PRDM4: variants seen among roughly 807,000 people sequenced by gnomAD.
PRDM4 encodes the protein PR/SET domain 4.
A neutral mutation model predicts 62.3 loss-of-function variants in PRDM4; 38 were observed. The ratio of observed to expected loss-of-function variants is 0.61; its 90% CI spans 0.47 to 0.80. The LOEUF (loss-of-function observed/expected upper bound fraction) is 0.80, where lower values mean the gene tolerates loss of function less well. Ranked by LOEUF, PRDM4 falls within the 30% of genes least tolerant of loss-of-function variation. The pLI is 0.00. For synonymous variants in PRDM4, 339 were observed against 348.2 expected (o/e 0.97, Z 0.30); for missense variants, 858 against 997.1 (o/e 0.86, Z 1.88).
intron 2 of PRDM4, chr12:107,759,834 C>CA (rs1228631738): frequency 6.6e-6 from 1 of 152,234 alleles, no homozygotes; most frequent in Non-Finnish European, 1.5e-5. Context: ...CTTCCCTACT[C>CA]ATTTAGGGTA....
Position 107,741,066 on chromosome 12 carries a change from G to T in PRDM4, c.1804C>A (p.Pro602Thr). ...CSMCPQAFIS[P>T]SKLHVHFMGH... is the part of the protein sequence containing the mutation. Reference sequence around the variant, plus strand: ...ATAAAGTGGACATGAAGTTTGGAAGGAGAGATAAAAGCTTGGGGGCACATT... The same window carrying T: ...ATAAAGTGGACATGAAGTTTGGAAGTAGAGATAAAAGCTTGGGGGCACATT... The change falls in exon 10 of 12, where the codon CCT becomes ACT. Residue 602 changes from proline (P) to threonine (T), a missense_variant. By Grantham distance (38) the Pro-to-Thr change is conservative. Transcript: ENST00000228437. 1.2e-6 allele frequency: 2 copies of T among 1,614,154 alleles called. No individual in the cohort carries two copies. Among genetic ancestry groups the T allele is most frequent in the Non-Finnish European group, 1.7e-6 (2 of 1,180,024 alleles).
Position 107,760,560 on chromosome 12 carries a change from G to A in PRDM4, c.-45C>T, listed in dbSNP as rs773894918. ...AGAGAAAGGAGCGCTCGGGTGGTGG[G>A]GAACAGGCATCAGGGTTTGCGTTCC... is the stretch of plus-strand genomic sequence containing the variant. On this transcript the variant is annotated 5_prime_UTR_variant, in exon 2 of 12. Coordinates refer to ENST00000228437, the MANE Select transcript of PRDM4 (RefSeq NM_012406.4). 1 of 1,610,936 alleles carries A rather than the reference G, an allele frequency of 6.2e-7. No individual in the cohort carries two copies. The highest frequency in any genetic ancestry group is 8.5e-7 in the Non-Finnish European group (1 of 1,178,470).
Position 107,743,194 on chromosome 12 carries a change from T to C in PRDM4, c.1481+3A>G. On this transcript the variant is annotated splice_donor_region_variant and intron_variant, in intron 8 of 11. Coordinates refer to ENST00000228437, the MANE Select transcript of PRDM4 (RefSeq NM_012406.4). ...ATTTTTTCTCATCCAAGACTACTCA[T>C]ACCTGGCTTTGCGCACAAACATCAT... The C allele has an allele frequency of 6.2e-7, 1 of 1,600,978 alleles. No individual in the cohort carries two copies. The highest frequency in any genetic ancestry group is 8.6e-7 in the Non-Finnish European group (1 of 1,168,068).
chr12:107,756,453 C>T (rs536664516), intron 3 of PRDM4, among the ~76,000 whole-genome samples: 32 of 152,298 alleles, frequency 2.1e-4, no homozygotes, highest in Admixed American at 1.8e-3. Flanking sequence ...ATTCCCCATG[C>T]TCTCTGGGAA....
chr12:107,734,775 C>G (rs965222966), intron 11 of PRDM4, among the ~76,000 whole-genome samples: 2 of 152,132 alleles, frequency 1.3e-5, no homozygotes, highest in Non-Finnish European at 2.9e-5. Flanking sequence ...TTTTGTCTTG[C>G]TGCATTCTCT....
intron 5 of PRDM4, among the ~76,000 whole-genome samples, chr12:107,748,610 T>C (rs1346126921): frequency 6.6e-6 from 1 of 152,186 alleles, no homozygotes; most frequent in Non-Finnish European, 1.5e-5. Context: ...TCCATTTATA[T>C]GAAATATCTG....
intron 2 of PRDM4, among the ~76,000 whole-genome samples, chr12:107,758,739 A>G (rs1891138474): frequency 6.6e-6 from 1 of 152,228 alleles, no homozygotes; most frequent in Non-Finnish European, 1.5e-5. Context: ...TTCTTGCATT[A>G]TTAGGTTTCA....
rs768848666 is a variant in PRDM4 at position 107,751,738 on chromosome 12, A to G, written c.803T>C (p.Met268Thr). 1 of 1,614,038 alleles carries G rather than the reference A, an allele frequency of 6.2e-7. No individual in the cohort carries two copies. The highest frequency in any genetic ancestry group is 8.5e-7 in the Non-Finnish European group (1 of 1,180,020). ...CCGACTTGCAATGTGGTCTGTCTCC[A>G]TGACCACAGGGAGCTCCAGGCCATT... ...HGNGLELPVV[M>T]ETDHIASRVN... is the part of the protein sequence containing the mutation. The change falls in exon 5 of 12, where the codon ATG becomes ACG. Residue 268 changes from methionine to threonine, a missense_variant. By Grantham distance (81) the Met-to-Thr change is moderately conservative. Transcript: ENST00000228437.
chr12:107,757,101 A>G (rs1399440424), intron 2 of PRDM4, 136 bp from the exon 3 acceptor site: 3 of 777,174 alleles, frequency 3.9e-6, no homozygotes, highest in South Asian at 3.7e-5. Flanking sequence ...ACGCTCAACA[A>G]TTCTCTTAGA....
chr12:107,747,907 C>T (rs545905662), intron 5 of PRDM4, among the ~76,000 whole-genome samples: 5 of 152,264 alleles, frequency 3.3e-5, no homozygotes, highest in African/African-American at 7.2e-5. Flanking sequence ...TGCACCACCA[C>T]GTCTGGCTGA....
rs184474091 is a variant in PRDM4 at position 107,757,579 on chromosome 12, C to T, written c.12-614G>A. The stretch of plus-strand genomic sequence containing the variant: ...CACTTAAAATGACTTCAAATCCTCA[C>T]ACCAATACTGCAACGTAAGATAGAT... On this transcript the variant is annotated intron_variant, in intron 2 of 11. Coordinates refer to ENST00000228437, the MANE Select transcript of PRDM4 (RefSeq NM_012406.4). Among the ~76,000 whole-genome samples, 43 of 152,308 alleles carry T rather than the reference C, an allele frequency of 2.8e-4. No individual in the cohort carries two copies. The East Asian group carries it at 4.2e-3, about 15-fold the overall frequency.
chr12:107,742,906 G>A (rs558079021), intron 8 of PRDM4, among the ~76,000 whole-genome samples: 3 of 151,918 alleles, frequency 2.0e-5, no homozygotes, highest in African/African-American at 7.2e-5. Flanking sequence ...GGGACTACAT[G>A]CATATACCAC....
At chr12:107,734,649 G>C in intron 11 of PRDM4, 127 bp from the exon 12 acceptor site, 2 of 842,688 alleles carry the variant, frequency 2.4e-6, no homozygotes, top group Non-Finnish European at 1.9e-6. Context: ...CTTTTGCATA[G>C]GTGATATACA....
At chr12:107,745,836 G>C (rs556061176) in intron 6 of PRDM4, among the ~76,000 whole-genome samples, 8 of 152,162 alleles carry the variant, frequency 5.3e-5, no homozygotes, top group African/African-American at 1.9e-4. Flanking sequence ...GGTAAGTAAA[G>C]TCTGGCAATC....
chr12:107,734,547 T>C (rs1346203288), intron 11 of PRDM4, 25 bp from the exon 12 acceptor site: 2 of 1,588,008 alleles, frequency 1.3e-6, no homozygotes, highest in African/African-American at 1.4e-5. Context: ...AGAAAAAACA[T>C]TTGATTTGGG....
At chr12:107,742,372 C>A in intron 8 of PRDM4, 24 bp from the exon 9 acceptor site, 1 of 1,611,656 alleles carries the variant, frequency 6.2e-7, no homozygotes. Flanking sequence ...TTTAATAGAT[C>A]AAGCACATTA....
At chr12:107,757,170 C>T (rs1050657867) in intron 2 of PRDM4, among the ~76,000 whole-genome samples, 2 of 152,172 alleles carry the variant, frequency 1.3e-5, no homozygotes, top group Admixed American at 1.3e-4. Flanking sequence ...ATTAAAAACT[C>T]AATTCAATGT....
intron 11 of PRDM4, chr12:107,736,966 T>C (rs1890352990): frequency 6.6e-6 from 1 of 152,288 alleles, no homozygotes. Context: ...GGGTTGAGTT[T>C]TGGACACATA....
rs1204583514 is a variant in PRDM4, at chr12:107,734,306, T to C, written c.2310A>G (p.Ser770=). Residue 770 remains serine, a synonymous_variant, in exon 12 of 12, where the codon TCA becomes TCG. Coordinates refer to ENST00000228437, the MANE Select transcript of PRDM4 (RefSeq NM_012406.4). The stretch of plus-strand genomic sequence containing the variant: ...CAGAGTCTGCTAGATCTTCCTCTTC[T>C]GAGTCATCCTCTTCTTCCTCCTCTG... The part of the protein sequence containing the change: ...SAPEEEEEDD[S]EEEDLADSVG... 4.3e-6 allele frequency: 7 copies of C among 1,614,222 alleles called. No homozygotes were observed. The highest frequency in any genetic ancestry group is 5.9e-6 in the Non-Finnish European group (7 of 1,180,042).
Sources: allele counts gnomAD v4.1 joint callset (sites outside exome capture counted in the v4.1 genomes callset), GRCh38; gene constraint gnomAD v4.1.1; transcripts MANE v1.5; gene names NCBI Gene and HGNC (gene_info 2026-07-23, HGNC 2026-07-21).